SLC24A3: variants seen among roughly 807,000 people sequenced by gnomAD.
SLC24A3 encodes the protein solute carrier family 24 member 3, also known as sodium/potassium/calcium exchanger 3.
In SLC24A3, 28 loss-of-function variants were observed where a neutral mutation model predicts 75.8. That is an observed-to-expected ratio of 0.37 (90% CI 0.27 to 0.51). SLC24A3 has a LOEUF of 0.51. Ranked by LOEUF, SLC24A3 falls within the 20% of genes least tolerant of loss-of-function variation. The probability of loss-of-function intolerance (pLI) is 0.94; values close to 1 mark genes in which losing one functional copy is unlikely to be tolerated. For synonymous variants in SLC24A3, 372 were observed against 334.1 expected, an observed-to-expected ratio of 1.11 and a Z score of -1.24; for missense variants, 663 against 847.8, an observed-to-expected ratio of 0.78 and a Z score of 2.71.
intron 12 of SLC24A3, among the ~76,000 whole-genome samples, chr20:19,690,588 T>C (rs1034070236): frequency 6.6e-6 from 1 of 152,186 alleles, no homozygotes; most frequent in Non-Finnish European, 1.5e-5. Context: ...TGGAAGGCCG[T>C]TGAGGGGATT....
At chr20:19,580,119 T>A in intron 4 of SLC24A3, 45 bp downstream of exon 4, 2 of 1,536,944 alleles carry the variant, frequency 1.3e-6, no homozygotes, top group Non-Finnish European at 1.8e-6. Flanking sequence ...GACTGGGGAC[T>A]GGACCTGTGC....
rs371783122 is a variant in SLC24A3, at chr20:19,495,048, C to G, written c.272-20440C>G. 3.3e-5 allele frequency among the ~76,000 whole-genome samples: 5 copies of G among 152,178 alleles called. No individual in the cohort carries two copies. The South Asian group carries it at 1.0e-3, about 31-fold the overall frequency. ...CCAGGAGACCATGGAGTGTGAATGG[C>G]ACCACAGAGCTGTCCTGCCTTGAGG... On this transcript the variant is annotated intron_variant, in intron 2 of 16. Coordinates refer to ENST00000328041, the MANE Select transcript of SLC24A3 (RefSeq NM_020689.4).
chr20:19,694,543 T>C (rs574980114), intron 13 of SLC24A3: 6 of 152,300 alleles, frequency 3.9e-5, no homozygotes, highest in Admixed American at 3.9e-4. Context: ...TTCTCCCTCA[T>C]CCTGCATTCA....
chr20:19,476,279 A>G (rs1478337427), intron 2 of SLC24A3, among the ~76,000 whole-genome samples: 1 of 152,184 alleles, frequency 6.6e-6, no homozygotes, highest in African/African-American at 2.4e-5. Context: ...TCAGGTGTAA[A>G]TCCTGGACTT....
intron 2 of SLC24A3, among the ~76,000 whole-genome samples, chr20:19,479,575 G>A (rs980466011): frequency 1.3e-5 from 2 of 152,336 alleles, no homozygotes; most frequent in Middle Eastern, 3.4e-3. Flanking sequence ...GTGTGAGTGG[G>A]GAAGAGAGAC....
At chr20:19,451,187 A>G (rs1262004946) in intron 2 of SLC24A3, among the ~76,000 whole-genome samples, 1 of 152,216 alleles carries the variant, frequency 6.6e-6, no homozygotes, top group Non-Finnish European at 1.5e-5. Flanking sequence ...CAAAGGTAAA[A>G]GAAAACACAT....
intron 2 of SLC24A3, among the ~76,000 whole-genome samples, chr20:19,381,335 T>C (rs568421582): frequency 6.6e-6 from 1 of 152,294 alleles, no homozygotes; most frequent in South Asian, 2.1e-4. Context: ...AGGAATGCAT[T>C]GTCTGGCAGA....
chr20:19,432,374 A>T (rs544772190), intron 2 of SLC24A3, among the ~76,000 whole-genome samples: 6 of 151,238 alleles, frequency 4.0e-5, no homozygotes, highest in African/African-American at 1.2e-4. Flanking sequence ...TCAATCAAAG[A>T]AGACAAGAAA....
intron 3 of SLC24A3, among the ~76,000 whole-genome samples, chr20:19,576,976 A>G (rs1283540685): frequency 2.0e-5 from 3 of 152,210 alleles, no homozygotes; most frequent in African/African-American, 4.8e-5. Context: ...AGAGGGTTTG[A>G]GTCCATTGCA....
intron 1 of SLC24A3, among the ~76,000 whole-genome samples, chr20:19,260,592 C>T (rs908025247): frequency 1.3e-5 from 2 of 152,188 alleles, no homozygotes; most frequent in Non-Finnish European, 2.9e-5. Flanking sequence ...TGAAAGAACT[C>T]GAGATACAAT....
intron 15 of SLC24A3, among the ~76,000 whole-genome samples, chr20:19,703,356 T>A (rs1305793688): frequency 4.6e-5 from 7 of 152,222 alleles, no homozygotes; most frequent in African/African-American, 1.7e-4. Flanking sequence ...CTCTCTGCTG[T>A]TAGAATCTGA....
chr20:19,515,654 C>T, intron 3 of SLC24A3, 90 bp downstream of exon 3: 6 of 1,296,762 alleles, frequency 4.6e-6, no homozygotes, highest in Non-Finnish European at 6.6e-6. Context: ...CCAGTAGATT[C>T]TCTCTGCCCT....
intron 9 of SLC24A3, among the ~76,000 whole-genome samples, chr20:19,675,556 A>G (rs1453126975): frequency 6.6e-6 from 1 of 152,232 alleles, no homozygotes. Flanking sequence ...ATGGGGGCCA[A>G]CATTTGTGAG....
intron 2 of SLC24A3, among the ~76,000 whole-genome samples, chr20:19,386,557 A>G (rs1379504159): frequency 1.3e-5 from 2 of 152,128 alleles, no homozygotes; most frequent in East Asian, 1.9e-4. Context: ...GGTTTCTCAT[A>G]AGTGATCTTT....
chr20:19,479,584 A>C (rs538280371), intron 2 of SLC24A3, among the ~76,000 whole-genome samples: 1 of 152,338 alleles, frequency 6.6e-6, no homozygotes, highest in African/African-American at 2.4e-5. Context: ...GGGAAGAGAG[A>C]CAAGAGAGGG....
At chr20:19,617,275 G>A (rs756642374) in intron 6 of SLC24A3, among the ~76,000 whole-genome samples, 8 of 152,212 alleles carry the variant, frequency 5.3e-5, no homozygotes, top group African/African-American at 9.6e-5. Flanking sequence ...GCAAGCCAGC[G>A]CATCTGTGCT....
At chr20:19,662,988 C>T (rs947022740) in intron 7 of SLC24A3, among the ~76,000 whole-genome samples, 3 of 152,160 alleles carry the variant, frequency 2.0e-5, no homozygotes, top group African/African-American at 7.2e-5. Flanking sequence ...GCTGCTTGTT[C>T]TCCAAATAAC....
chr20:19,634,334 T>C (rs1347974181), intron 6 of SLC24A3, among the ~76,000 whole-genome samples: 1 of 152,188 alleles, frequency 6.6e-6, no homozygotes, highest in Non-Finnish European at 1.5e-5. Context: ...TCTTCTCATT[T>C]ACAGATGCTA....
intron 1 of SLC24A3, among the ~76,000 whole-genome samples, chr20:19,271,561 G>A (rs749578117): frequency 5.9e-5 from 9 of 152,106 alleles, no homozygotes; most frequent in South Asian, 2.1e-4. Flanking sequence ...AGCACAATTC[G>A]CAATTGCAAA....
Sources: allele counts gnomAD v4.1 joint callset (sites outside exome capture counted in the v4.1 genomes callset), GRCh38; gene constraint gnomAD v4.1.1; transcripts MANE v1.5; gene names NCBI Gene and HGNC (gene_info 2026-07-23, HGNC 2026-07-21).